SVBP: variants seen among roughly 807,000 people sequenced by gnomAD.
SVBP encodes small vasohibin binding protein.
In SVBP, 9 loss-of-function variants were observed where a neutral mutation model predicts 9.2. The ratio of observed to expected loss-of-function variants is 0.98; its 90% CI spans 0.59 to 1.71. The LOEUF (loss-of-function observed/expected upper bound fraction) is 1.71, where lower values mean the gene tolerates loss of function less well. SVBP is among the 40% of genes most tolerant of loss of function. The probability of loss-of-function intolerance (pLI) is 0.00; values close to 1 mark genes in which losing one functional copy is unlikely to be tolerated. For missense variants in SVBP, 63 were observed against 73.2 expected, an observed-to-expected ratio of 0.86 and a Z score of 0.51; for synonymous variants, 27 against 23.9, an observed-to-expected ratio of 1.13 and a Z score of -0.37.
intron 2 of SVBP, among the ~76,000 whole-genome samples, chr1:42,810,732 A>G (rs1047019731): frequency 1.3e-5 from 2 of 152,130 alleles, no homozygotes; most frequent in African/African-American, 2.4e-5. Flanking sequence ...TTCACCTCCC[A>G]CATCTCTCCT....
chr1:42,808,969 T>C (rs1654025280), intron 2 of SVBP: 2 of 152,482 alleles, frequency 1.3e-5, no homozygotes, highest in African/African-American at 2.4e-5. Flanking sequence ...AGTGCTGGGA[T>C]TACAGGCGTG....
intron 2 of SVBP, among the ~76,000 whole-genome samples, chr1:42,809,362 C>T (rs780779844): frequency 6.6e-6 from 1 of 151,732 alleles, no homozygotes; most frequent in African/African-American, 2.4e-5. Flanking sequence ...AGAGCAGAAA[C>T]GAATGAAAAA....
chr1:42,816,670 C>T, intron 1 of SVBP, 90 bp from the exon 2 acceptor site: 1 of 660,536 alleles, frequency 1.5e-6, no homozygotes, highest in South Asian at 1.9e-5. Context: ...AGCTCCGCCC[C>T]ATCCTTTGCC....
chr1:42,815,649 A>G (rs1162040379), intron 2 of SVBP, among the ~76,000 whole-genome samples: 1 of 152,090 alleles, frequency 6.6e-6, no homozygotes, highest in African/African-American at 2.4e-5. Context: ...ATTAATGAGA[A>G]TAAACTAAAT....
At chr1:42,815,695 T>C (rs925586313) in intron 2 of SVBP, among the ~76,000 whole-genome samples, 1 of 152,094 alleles carries the variant, frequency 6.6e-6, no homozygotes, top group African/African-American at 2.4e-5. Flanking sequence ...AAAAACAATG[T>C]AAGCAAAATG....
chr1:42,816,777 T>G, intron 1 of SVBP, 197 bp from the exon 2 acceptor site: 1 of 495,066 alleles, frequency 2.0e-6, no homozygotes, highest in South Asian at 2.6e-5. Flanking sequence ...CCTGGGCAAG[T>G]CTCCTCCCCA....
intron 2 of SVBP, among the ~76,000 whole-genome samples, chr1:42,808,147 G>A (rs372192971): frequency 0.31 from 14,546 of 46,638 alleles, 1,368 homozygotes; most frequent in South Asian, 0.47. Flanking sequence ...GTGTGTGTGT[G>A]TGTATATATA....
chr1:42,808,176 T>C (rs937025643), intron 2 of SVBP, among the ~76,000 whole-genome samples: 12 of 74,042 alleles, frequency 1.6e-4, no homozygotes, highest in African/African-American at 3.5e-4. Flanking sequence ...TATATATATA[T>C]ATACATACTA....
intron 2 of SVBP, among the ~76,000 whole-genome samples, chr1:42,815,608 A>G (rs986489784): frequency 6.6e-6 from 1 of 152,140 alleles, no homozygotes; most frequent in Non-Finnish European, 1.5e-5. Flanking sequence ...ATACTAAGTA[A>G]AATGGATGCA....
chr1:42,810,367 T>G (rs1022241439), intron 2 of SVBP, among the ~76,000 whole-genome samples: 2 of 152,184 alleles, frequency 1.3e-5, no homozygotes, highest in Admixed American at 6.6e-5. Context: ...AGGATGGTCT[T>G]GATCTCCTGA....
chr1:42,812,333 C>T (rs935260464), intron 2 of SVBP, among the ~76,000 whole-genome samples: 8 of 152,192 alleles, frequency 5.3e-5, no homozygotes, highest in African/African-American at 1.9e-4. Context: ...CCATGCAGAG[C>T]GAGGACTTCC....
At chr1:42,809,631 A>C (rs1654036016) in intron 2 of SVBP, among the ~76,000 whole-genome samples, 1 of 152,254 alleles carries the variant, frequency 6.6e-6, no homozygotes, top group Admixed American at 6.5e-5. Flanking sequence ...ATCCAAACTG[A>C]CTAGAAAGCT....
chr1:42,815,367 T>TAATAAAA (rs918313593), intron 2 of SVBP, among the ~76,000 whole-genome samples: 3 of 144,598 alleles, frequency 2.1e-5, no homozygotes, highest in East Asian at 4.1e-4. Flanking sequence ...TAAAGTATAA[T>TAATAAAA]AATAAAAAAT....
chr1:42,808,147 G>GTATA (rs1475249020), intron 2 of SVBP, among the ~76,000 whole-genome samples: 384 of 53,820 alleles, frequency 7.1e-3, no homozygotes, highest in African/African-American at 0.029. Context: ...GTGTGTGTGT[G>GTATA]TGTATATATA....
At chr1:42,812,366 CA>C (rs1654100341) in intron 2 of SVBP, among the ~76,000 whole-genome samples, 1 of 152,182 alleles carries the variant, frequency 6.6e-6, no homozygotes, top group Non-Finnish European at 1.5e-5. Flanking sequence ...GCCCTGCGGC[CA>C]AACACAGTCA....
At chr1:42,816,820 G>A in intron 1 of SVBP, 3 of 376,554 alleles carry the variant, frequency 8.0e-6, no homozygotes, top group Non-Finnish European at 1.5e-5. Context: ...TGCAAAATGG[G>A]TTAAGTGTTT....
At chr1:42,816,330 G>T in intron 2 of SVBP, 101 bp downstream of exon 2, 1 of 850,430 alleles carries the variant, frequency 1.2e-6, no homozygotes, top group Non-Finnish European at 1.9e-6. Flanking sequence ...CCTGCCTGGA[G>T]GCAAGTATGG....
At chr1:42,813,417 A>G in intron 2 of SVBP, 1 of 566,428 alleles carries the variant, frequency 1.8e-6, no homozygotes, top group South Asian at 1.4e-5. Flanking sequence ...CCAGGGGCCC[A>G]AGCGTTCCTT....
intron 2 of SVBP, among the ~76,000 whole-genome samples, chr1:42,810,813 G>A (rs1404188011): frequency 6.6e-6 from 1 of 152,110 alleles, no homozygotes; most frequent in African/African-American, 2.4e-5. Flanking sequence ...CCCACAAAGG[G>A]TCTTGTTGCA....
Sources: allele counts gnomAD v4.1 joint callset (sites outside exome capture counted in the v4.1 genomes callset), GRCh38; gene constraint gnomAD v4.1.1; transcripts MANE v1.5; gene names NCBI Gene and HGNC (gene_info 2026-07-23, HGNC 2026-07-21).